Variants in ZC3H12B observed in about 807,000 individuals in gnomAD.
ZC3H12B encodes the protein probable ribonuclease ZC3H12B.
Under a neutral mutation model 43.9 loss-of-function variants are expected in ZC3H12B, and 7 were observed. That is an observed-to-expected ratio of 0.16 (90% confidence interval 0.09 to 0.30). ZC3H12B has a LOEUF of 0.30. Among genes scored for constraint, ZC3H12B ranks in the 10% least tolerant of loss-of-function variants. The pLI is 1.00. For missense variants in ZC3H12B, 475 were observed against 670.2 expected (o/e 0.71, Z 3.22); for synonymous variants, 222 against 241.7 (o/e 0.92, Z 0.76).
At chrX:65,281,407 G>A in the ZC3H12B span, among the ~76,000 whole-genome samples, 1 of 110,161 alleles carries the variant, frequency 9.1e-6, no homozygotes, top group African/African-American at 3.3e-5. Context: ...TGTATTTTTA[G>A]ACAGGGTTAC....
chrX:65,339,926 A>G, the ZC3H12B span, among the ~76,000 whole-genome samples: 1 of 111,381 alleles, frequency 9.0e-6, no homozygotes, highest in Non-Finnish European at 1.9e-5. Context: ...GTTCTGATAG[A>G]GCATGTATGC....
At chrX:65,140,226 G>A in the ZC3H12B span, among the ~76,000 whole-genome samples, 5 of 111,460 alleles carry the variant, frequency 4.5e-5, no homozygotes, top group Non-Finnish European at 9.4e-5. Flanking sequence ...GATGTTAGCT[G>A]TAGGTTTTTC....
the ZC3H12B span, among the ~76,000 whole-genome samples, chrX:65,119,145 A>T: frequency 9.0e-6 from 1 of 111,620 alleles, no homozygotes; most frequent in African/African-American, 3.3e-5. Context: ...CATGATTTAT[A>T]ATCCTTTGGG....
intron 1 of ZC3H12B, among the ~76,000 whole-genome samples, chrX:65,492,652 C>T (rs1013607233): frequency 5.4e-5 from 6 of 111,908 alleles, no homozygotes; most frequent in Non-Finnish European, 1.1e-4. Context: ...AAGTTCAGCG[C>T]TATAGTCTAC....
At chrX:65,383,725 A>G (rs1192906673) in intron 2 of ZC3H12B, among the ~76,000 whole-genome samples, 54 of 111,623 alleles carry the variant, frequency 4.8e-4, no homozygotes, top group African/African-American at 1.7e-3. Flanking sequence ...GCTAATATCC[A>G]GAATCTACAA....
chrX:65,282,713 G>T, the ZC3H12B span, among the ~76,000 whole-genome samples: 1 of 111,704 alleles, frequency 9.0e-6, no homozygotes, highest in South Asian at 3.7e-4. Flanking sequence ...AAATAAACTA[G>T]AAAATGTATA....
chrX:65,398,309 C>G (rs746177120), intron 2 of ZC3H12B, among the ~76,000 whole-genome samples: 6 of 111,621 alleles, frequency 5.4e-5, no homozygotes, highest in Non-Finnish European at 1.1e-4. Flanking sequence ...CCAGAATATC[C>G]AAAGCTATCC....
chrX:65,097,286 A>G, the ZC3H12B span, among the ~76,000 whole-genome samples: 1 of 111,883 alleles, frequency 8.9e-6, no homozygotes, highest in Non-Finnish European at 1.9e-5. Context: ...TAATCAACCA[A>G]AAGAGGTTAA....
the ZC3H12B span, among the ~76,000 whole-genome samples, chrX:65,144,568 CTGTT>C: frequency 1.8e-5 from 2 of 111,544 alleles, no homozygotes; most frequent in East Asian, 2.8e-4. Flanking sequence ...CTTAGATTAT[CTGTT>C]TGTGCTCTTT....
At chrX:65,395,080 T>A (rs997449011) in intron 2 of ZC3H12B, among the ~76,000 whole-genome samples, 1 of 112,301 alleles carries the variant, frequency 8.9e-6, no homozygotes, top group African/African-American at 3.2e-5. Context: ...TTTGCTGAAG[T>A]TGCTTATCAA....
the ZC3H12B span, among the ~76,000 whole-genome samples, chrX:65,155,107 C>A: frequency 9.1e-6 from 1 of 109,728 alleles, no homozygotes; most frequent in Admixed American, 9.8e-5. Context: ...AGACATGCAA[C>A]CACCAAACCT....
chrX:65,162,099 C>G, the ZC3H12B span, among the ~76,000 whole-genome samples: 1 of 111,767 alleles, frequency 8.9e-6, no homozygotes, highest in South Asian at 3.8e-4. Context: ...TTGGCCCCCA[C>G]TCTCTTCTGG....
intron 2 of ZC3H12B, among the ~76,000 whole-genome samples, chrX:65,379,590 G>A (rs2066405765): frequency 8.9e-6 from 1 of 112,450 alleles, no homozygotes; most frequent in Admixed American, 9.4e-5. Context: ...ACCAGCAACG[G>A]AACAAAGCTG....
At chrX:65,507,479 G>C (rs1056888927) in exon 5 of ZC3H12B, 1 of 112,311 alleles carries the variant, frequency 8.9e-6, no homozygotes, top group African/African-American at 3.2e-5. Context: ...TCTATTGTAT[G>C]GTAGCTAGCT....
intron 4 of ZC3H12B, among the ~76,000 whole-genome samples, chrX:65,501,420 T>G (rs2068365897): frequency 9.2e-6 from 1 of 108,541 alleles, no homozygotes; most frequent in Non-Finnish European, 1.9e-5. Context: ...CCAGCTAATT[T>G]TGTTTGTATT....
the ZC3H12B span, among the ~76,000 whole-genome samples, chrX:65,268,513 T>G: frequency 8.9e-6 from 1 of 112,241 alleles, no homozygotes; most frequent in Admixed American, 9.4e-5. Flanking sequence ...AAATTCTCAA[T>G]GAAATATTAG....
chrX:65,466,901 T>G (rs1208453027), intron 3 of ZC3H12B, among the ~76,000 whole-genome samples: 2 of 77,379 alleles, frequency 2.6e-5, no homozygotes, highest in Admixed American at 1.6e-4. Context: ...TATGTAACTA[T>G]ATATATAAAA....
intron 3 of ZC3H12B, among the ~76,000 whole-genome samples, chrX:65,413,487 AC>A (rs1035509175): frequency 9.0e-6 from 1 of 111,157 alleles, no homozygotes; most frequent in African/African-American, 3.3e-5. Flanking sequence ...TAGGGGTCAA[AC>A]TTTTCCATGT....
the ZC3H12B span, among the ~76,000 whole-genome samples, chrX:65,264,177 G>A: frequency 3.6e-5 from 4 of 111,256 alleles, no homozygotes; most frequent in South Asian, 7.5e-4. Context: ...TGGGATGAAA[G>A]TGAGGAATAA....
Sources: gnomAD v4.1 joint callset for allele counts (sites outside exome capture counted in the v4.1 genomes callset) on GRCh38, gnomAD v4.1.1 for gene constraint, MANE v1.5 for transcripts, NCBI Gene and HGNC (gene_info 2026-07-23, HGNC 2026-07-21) for gene names.